TENM1: variants seen among roughly 807,000 people sequenced by gnomAD.
TENM1 encodes teneurin-1.
A neutral mutation model predicts 174.8 loss-of-function variants in TENM1; 35 were observed. That is an observed-to-expected ratio of 0.20 (90% CI 0.15 to 0.27). The LOEUF is 0.27. Among genes scored for constraint, TENM1 ranks in the 10% least tolerant of loss-of-function variants. The pLI, the probability that TENM1 is intolerant of heterozygous loss-of-function variation, is 1.00. For synonymous variants in TENM1, 781 were observed against 798.7 expected (o/e 0.98, Z 0.37); for missense variants, 1,633 against 2,130.1 (o/e 0.77, Z 4.59).
chrX:124,821,026 G>T (rs2056025786), intron 3 of TENM1, among the ~76,000 whole-genome samples: 1 of 112,388 alleles, frequency 8.9e-6, no homozygotes. Context: ...CAGTACTTTA[G>T]AAAATTTCAT....
At chrX:124,822,044 A>G (rs2056050262) in intron 3 of TENM1, among the ~76,000 whole-genome samples, 1 of 112,461 alleles carries the variant, frequency 8.9e-6, no homozygotes, top group Non-Finnish European at 1.9e-5. Context: ...TAATGGAGTT[A>G]TAGAAATCAC....
chrX:124,626,540 G>C (rs2050641338), intron 11 of TENM1, among the ~76,000 whole-genome samples: 1 of 111,966 alleles, frequency 8.9e-6, no homozygotes, highest in Non-Finnish European at 1.9e-5. Context: ...TCCTGATTCA[G>C]TTTCCCAGCA....
chrX:124,778,321 G>A (rs978896750), intron 3 of TENM1, among the ~76,000 whole-genome samples: 15 of 111,690 alleles, frequency 1.3e-4, no homozygotes, highest in Non-Finnish European at 2.3e-4. Context: ...TGAGGCAGAG[G>A]GCTTGTTAGC....
chrX:124,490,273 C>T lies in TENM1; in HGVS notation c.3696-3044G>A, dbSNP rs187743035. Among the ~76,000 whole-genome samples, 296 of 111,791 alleles carry T rather than the reference C, an allele frequency of 2.6e-3. 1 individual carries two copies. The highest frequency in any genetic ancestry group is 4.7e-3 in the Non-Finnish European group (248 of 53,064). ...GAATCCTTGAGTACCACTGCTAATA[C>T]ATGAGATCAAACTGGGGAGGTAACC... is the stretch of plus-strand genomic sequence containing the variant. On this transcript the variant is annotated intron_variant, in intron 20 of 31. Transcript: ENST00000422452.
At chrX:124,619,997 T>C (rs1248057493) in intron 11 of TENM1, among the ~76,000 whole-genome samples, 2 of 112,177 alleles carry the variant, frequency 1.8e-5, no homozygotes, top group African/African-American at 6.5e-5. Flanking sequence ...TAAATCCTTA[T>C]AGGCAGATGA....
intron 3 of TENM1, among the ~76,000 whole-genome samples, chrX:124,806,232 T>TA (rs1439715346): frequency 9.0e-6 from 1 of 111,489 alleles, no homozygotes; most frequent in East Asian, 2.8e-4. Flanking sequence ...GAAGAAATAA[T>TA]ATGTGAACTT....
chrX:124,782,862 T>C (rs1406003849), intron 3 of TENM1, among the ~76,000 whole-genome samples: 1 of 111,892 alleles, frequency 8.9e-6, no homozygotes, highest in Non-Finnish European at 1.9e-5. Flanking sequence ...TTTAACAGTT[T>C]AAACTTTTTG....
chrX:124,931,870 C>T (rs890087123), intron 1 of TENM1, among the ~76,000 whole-genome samples: 1 of 99,084 alleles, frequency 1.0e-5, no homozygotes, highest in African/African-American at 3.6e-5. Context: ...GCCAAGCGCA[C>T]GCACACACAC....
the TENM1 span, among the ~76,000 whole-genome samples, chrX:125,044,174 A>AATG: frequency 1.8e-5 from 1 of 54,957 alleles, no homozygotes; most frequent in African/African-American, 8.6e-5. Context: ...TAATAATAAT[A>AATG]AAAAAAGGAA....
chrX:124,627,231 T>G (rs147921117), intron 11 of TENM1, among the ~76,000 whole-genome samples: 136 of 111,270 alleles, frequency 1.2e-3, no homozygotes, highest in African/African-American at 4.3e-3. Context: ...ATGGATGAAT[T>G]GCTGCTAATT....
the TENM1 span, among the ~76,000 whole-genome samples, chrX:125,102,948 T>G: frequency 8.9e-6 from 1 of 111,835 alleles, no homozygotes; most frequent in Non-Finnish European, 1.9e-5. Context: ...GATGGAAACT[T>G]AAGCCAAAAT....
the TENM1 span, among the ~76,000 whole-genome samples, chrX:125,147,417 C>T: frequency 9.0e-6 from 1 of 111,342 alleles, no homozygotes; most frequent in African/African-American, 3.3e-5. Context: ...CTGGTACACA[C>T]TTCACAGGAG....
the TENM1 span, among the ~76,000 whole-genome samples, chrX:125,129,271 C>G: frequency 0.013 from 1,468 of 111,758 alleles, 28 homozygotes; most frequent in African/African-American, 0.044. Context: ...GCTAAGACAG[C>G]GCTCATATCC....
chrX:124,582,001 C>A (rs1402217580), intron 11 of TENM1, among the ~76,000 whole-genome samples: 1 of 111,697 alleles, frequency 9.0e-6, no homozygotes, highest in Non-Finnish European at 1.9e-5. Flanking sequence ...AGGTATTAAG[C>A]CCCACATGCA....
chrX:125,201,658 T>C, the TENM1 span, among the ~76,000 whole-genome samples: 1 of 112,227 alleles, frequency 8.9e-6, no homozygotes, highest in Admixed American at 9.4e-5. Context: ...GGGAACAACC[T>C]GAAAACTTTT....
intron 3 of TENM1, among the ~76,000 whole-genome samples, chrX:124,814,980 T>C (rs1408274598): frequency 8.9e-6 from 1 of 112,383 alleles, no homozygotes; most frequent in Non-Finnish European, 1.9e-5. Flanking sequence ...TTTTCATCAG[T>C]AAATGCTGCA....
At chrX:124,936,533 A>T (rs771711328) in intron 1 of TENM1, among the ~76,000 whole-genome samples, 2 of 112,078 alleles carry the variant, frequency 1.8e-5, no homozygotes, top group African/African-American at 6.5e-5. Flanking sequence ...AAGACGGGGT[A>T]TATATTTGTT....
At chrX:124,720,798 A>G (rs1174274424) in intron 4 of TENM1, among the ~76,000 whole-genome samples, 2 of 112,383 alleles carry the variant, frequency 1.8e-5, no homozygotes, top group Non-Finnish European at 3.8e-5. Context: ...GCCTGCCATC[A>G]TCACTACCCT....
intron 3 of TENM1, among the ~76,000 whole-genome samples, chrX:124,832,979 G>A (rs139737467): frequency 8.9e-4 from 100 of 111,752 alleles, no homozygotes; most frequent in African/African-American, 2.8e-3. Context: ...AAATGGTTGC[G>A]TGCATTTTGA....
Sources: allele counts gnomAD v4.1 joint callset (sites outside exome capture counted in the v4.1 genomes callset), GRCh38; gene constraint gnomAD v4.1.1; transcripts MANE v1.5; gene names NCBI Gene and HGNC (gene_info 2026-07-23, HGNC 2026-07-21).